CD96: variants seen among roughly 807,000 people sequenced by gnomAD.
CD96 encodes T-cell surface protein tactile.
A neutral mutation model predicts 71.3 loss-of-function variants in CD96; 70 were observed. That is an observed-to-expected ratio of 0.98 (90% CI 0.81 to 1.20). CD96 has a LOEUF of 1.20. Among genes scored for constraint, CD96 ranks in the 50% most tolerant of loss-of-function variants. CD96 has a pLI of 0.00. For synonymous variants in CD96, 248 were observed against 233.0 expected, an observed-to-expected ratio of 1.06 and a Z score of -0.59; for missense variants, 742 against 677.5, an observed-to-expected ratio of 1.10 and a Z score of -1.06.
intron 12 of CD96, among the ~76,000 whole-genome samples, chr3:111,645,431 G>A (rs942029542): frequency 9.2e-5 from 14 of 152,014 alleles, no homozygotes; most frequent in Non-Finnish European, 2.1e-4. Context: ...TATACTGCTT[G>A]GGTGTTGGCT....
intron 14 of CD96, among the ~76,000 whole-genome samples, chr3:111,657,740 G>T (rs908426489): frequency 9.5e-5 from 14 of 147,212 alleles, no homozygotes; most frequent in Non-Finnish European, 1.7e-4. Context: ...GAGTCAAATT[G>T]GCAGTATCAA....
At chr3:111,600,674 T>C in intron 6 of CD96, 52 bp from the exon 7 acceptor site, 1 of 1,334,654 alleles carries the variant, frequency 7.5e-7, no homozygotes, top group South Asian at 1.2e-5. Context: ...CATTATTGTA[T>C]GGCTCATACA....
intron 10 of CD96, among the ~76,000 whole-genome samples, chr3:111,632,028 A>C (rs1939089298): frequency 6.6e-6 from 1 of 152,218 alleles, no homozygotes; most frequent in Non-Finnish European, 1.5e-5. Flanking sequence ...CTAGAAGAAA[A>C]GCTAGGCTAT....
At chr3:111,636,652 C>G (rs1939342705) in intron 10 of CD96, among the ~76,000 whole-genome samples, 1 of 152,184 alleles carries the variant, frequency 6.6e-6, no homozygotes, top group Admixed American at 6.5e-5. Flanking sequence ...CTAAATGCTT[C>G]AAAAGGACTC....
At chr3:111,640,764 A>G (rs1275755224) in intron 12 of CD96, among the ~76,000 whole-genome samples, 1 of 152,216 alleles carries the variant, frequency 6.6e-6, no homozygotes, top group Non-Finnish European at 1.5e-5. Context: ...TATAGAGGAA[A>G]ATCTATCAGA....
chr3:111,620,608 A>G (rs556129478), intron 8 of CD96, among the ~76,000 whole-genome samples: 2 of 152,302 alleles, frequency 1.3e-5, no homozygotes, highest in African/African-American at 4.8e-5. Flanking sequence ...GTCTAAAGAA[A>G]ATTCAGCTGG....
At chr3:111,546,903 C>T (rs1296812505) in intron 2 of CD96, among the ~76,000 whole-genome samples, 1 of 144,922 alleles carries the variant, frequency 6.9e-6, no homozygotes, top group Non-Finnish European at 1.5e-5. Flanking sequence ...ACCACACACA[C>T]ACACACACAG....
chr3:111,590,021 T>C (rs928968058), intron 5 of CD96, among the ~76,000 whole-genome samples: 3 of 152,206 alleles, frequency 2.0e-5, no homozygotes, highest in Admixed American at 1.3e-4. Flanking sequence ...ATTTCAGGAA[T>C]ATTTCTTCCC....
intron 10 of CD96, among the ~76,000 whole-genome samples, chr3:111,627,770 C>A (rs907211321): frequency 6.6e-6 from 1 of 152,128 alleles, no homozygotes; most frequent in African/African-American, 2.4e-5. Context: ...CAGGTCAGTA[C>A]CCCCCTGGGA....
At chr3:111,640,328 T>C (rs1939533406) in intron 12 of CD96, among the ~76,000 whole-genome samples, 1 of 152,156 alleles carries the variant, frequency 6.6e-6, no homozygotes, top group Non-Finnish European at 1.5e-5. Flanking sequence ...GACACACTTT[T>C]AGAAATGTGA....
chr3:111,595,165 A>G (rs1254693652), intron 5 of CD96: 1 of 161,466 alleles, frequency 6.2e-6, no homozygotes, highest in African/African-American at 2.4e-5. Flanking sequence ...ATGGAAAATC[A>G]TATTACATTT....
intron 1 of CD96, 129 bp from the exon 2 acceptor site, chr3:111,544,917 A>G (rs551257177): frequency 2.6e-6 from 2 of 781,182 alleles, no homozygotes; most frequent in Admixed American, 1.7e-5. Flanking sequence ...GCTCTACTCT[A>G]TTCCTAAAGC....
At chr3:111,632,566 C>A (rs537261237) in intron 10 of CD96, among the ~76,000 whole-genome samples, 3 of 152,274 alleles carry the variant, frequency 2.0e-5, no homozygotes, top group South Asian at 4.1e-4. Context: ...GTGGCGATTC[C>A]TCAAAGACCT....
chr3:111,569,634 A>G (rs914771628), intron 3 of CD96, among the ~76,000 whole-genome samples: 1 of 152,220 alleles, frequency 6.6e-6, no homozygotes, highest in Non-Finnish European at 1.5e-5. Flanking sequence ...GGTTTAATAA[A>G]GCCTTACTGT....
intron 5 of CD96, among the ~76,000 whole-genome samples, chr3:111,585,683 T>C (rs1172479143): frequency 1.3e-5 from 2 of 152,204 alleles, no homozygotes; most frequent in African/African-American, 4.8e-5. Flanking sequence ...GAGGACAAAG[T>C]AGGGCAGAAA....
At chr3:111,546,054 A>G (rs1290417971) in intron 2 of CD96, among the ~76,000 whole-genome samples, 2 of 152,184 alleles carry the variant, frequency 1.3e-5, no homozygotes, top group African/African-American at 4.8e-5. Flanking sequence ...GATGGACAAG[A>G]AGGAGAAGGT....
At chr3:111,551,867 T>C (rs1467294595) in intron 2 of CD96, among the ~76,000 whole-genome samples, 1 of 152,168 alleles carries the variant, frequency 6.6e-6, no homozygotes, top group Non-Finnish European at 1.5e-5. Flanking sequence ...CTTTGACGAA[T>C]GGCCACACTG....
At chr3:111,605,645 C>A (rs1937603341) in intron 7 of CD96, among the ~76,000 whole-genome samples, 2 of 152,164 alleles carry the variant, frequency 1.3e-5, no homozygotes. Context: ...AGTAGTGGAT[C>A]AGAGCTAGCT....
chr3:111,563,340 G>A (rs1576322887), intron 2 of CD96, among the ~76,000 whole-genome samples: 1 of 152,304 alleles, frequency 6.6e-6, no homozygotes, highest in Admixed American at 6.5e-5. Context: ...AAAGGTGAAA[G>A]GTTTCTATCC....
Sources: allele counts gnomAD v4.1 joint callset (sites outside exome capture counted in the v4.1 genomes callset), GRCh38; gene constraint gnomAD v4.1.1; transcripts MANE v1.5; gene names NCBI Gene and HGNC (gene_info 2026-07-23, HGNC 2026-07-21).